The following HEPACAM2 variants were observed in gnomAD, a reference collection of about 807,000 sequenced individuals.
HEPACAM2 encodes mitotic kinetics regulator.
In HEPACAM2, 49 loss-of-function variants were observed where a neutral mutation model predicts 49.6. That is an observed-to-expected ratio of 0.99 (90% CI 0.78 to 1.25). The LOEUF (loss-of-function observed/expected upper bound fraction) is 1.25. Among genes scored for constraint, HEPACAM2 ranks in the 50% most tolerant of loss-of-function variants. HEPACAM2 has a pLI of 0.00. For synonymous variants in HEPACAM2, 197 were observed against 202.9 expected, an observed-to-expected ratio of 0.97 and a Z score of 0.25; for missense variants, 525 against 557.2, an observed-to-expected ratio of 0.94 and a Z score of 0.58.
At chr7:93,195,689 A>C in intron 8 of HEPACAM2, 139 bp downstream of exon 8, 1 of 664,718 alleles carries the variant, frequency 1.5e-6, no homozygotes, top group Non-Finnish European at 2.7e-6. Context: ...TTCATTACGG[A>C]GTAAGTCAAC....
At chr7:93,224,158 G>A (rs1403932422) in intron 1 of HEPACAM2, among the ~76,000 whole-genome samples, 1 of 152,222 alleles carries the variant, frequency 6.6e-6, no homozygotes, top group South Asian at 2.1e-4. Flanking sequence ...TGGTTGTGGT[G>A]GCTAATGCCT....
chr7:93,215,491 CT>C lies in HEPACAM2; in HGVS notation c.624del (p.Val209Ter). 1 of 1,613,862 alleles carries C rather than the reference CT, an allele frequency of 6.2e-7. No individual in the cohort carries two copies. Among genetic ancestry groups the C allele is most frequent in the Non-Finnish European group, 8.5e-7 (1 of 1,179,864 alleles). ...TAATTCCCAATGTCTTCCTTGGTTA[CT>C]GGAGCAATATGAAGGGTATTGTTTT... ...SPQNNTLHIA[P>X]VTKEDIGNYS... On this transcript the variant is annotated frameshift_variant, in exon 3 of 10. Coordinates refer to ENST00000394468, the MANE Select transcript of HEPACAM2 (RefSeq NM_001039372.4). LOFTEE classifies it high-confidence loss of function.
At position 93,215,476 on chromosome 7, in the gene HEPACAM2, TG is replaced by T. The variant is rs779909896; in HGVS notation, c.639del (p.Asp213GlufsTer9). The part of the protein sequence containing the change: ...TLHIAPVTKE[D>X]IGNYSCLVRN... ...CTCACCAGGCAGCTGTAATTCCCAATGTCTTCCTTGGTTACTGGAGCAATAT... is the reference window on the plus strand; with the variant it reads ...CTCACCAGGCAGCTGTAATTCCCAATTCTTCCTTGGTTACTGGAGCAATAT... On this transcript the variant is annotated frameshift_variant, in exon 3 of 10. Transcript: ENST00000394468. LOFTEE classifies it high-confidence loss of function. 1.5e-5 allele frequency: 24 copies of T among 1,613,900 alleles called. No homozygotes were observed. In the South Asian group the frequency reaches 2.6e-4, roughly 18 times the overall value.
chr7:93,231,407 T>A (rs1794625751), upstream of HEPACAM2, among the ~76,000 whole-genome samples: 1 of 152,226 alleles, frequency 6.6e-6, no homozygotes, highest in Non-Finnish European at 1.5e-5. Context: ...ACATCTGCAG[T>A]AATCTTAGGC....
Position 93,219,438 on chromosome 7 carries a change from C to T in HEPACAM2, c.93G>A (p.Gly31=), listed in dbSNP as rs563747542. ...TGTGTGATGGCACTGTCACCTTCAG[C>T]CCCGAGCAAGCACCTGTTGCAAAGG... ...IYLLLFGACS[G]LKVTVPSHTV... Residue 31 remains glycine, a synonymous_variant, in exon 2 of 10, where the codon GGG becomes GGA. Coordinates refer to ENST00000394468, the MANE Select transcript of HEPACAM2 (RefSeq NM_001039372.4). 4 of 1,613,774 alleles carry T rather than the reference C, an allele frequency of 2.5e-6. No homozygotes were observed. The African/African-American group carries it at 4.0e-5, about 16-fold the overall frequency.
intron 2 of HEPACAM2, 119 bp from the exon 3 acceptor site, chr7:93,215,804 T>C (rs1794295532): frequency 2.1e-6 from 2 of 956,546 alleles, no homozygotes; most frequent in Non-Finnish European, 3.1e-6. Flanking sequence ...ACACTGTAAA[T>C]GTAGACAGCT....
upstream of HEPACAM2, chr7:93,226,471 G>C (rs1248887825): frequency 6.3e-7 from 1 of 1,582,882 alleles, no homozygotes; most frequent in Non-Finnish European, 8.7e-7. Context: ...GTTCTCAGTG[G>C]TAACTTGGAC....
At chr7:93,202,575 C>G (rs1282487517) in intron 4 of HEPACAM2, among the ~76,000 whole-genome samples, 1 of 152,148 alleles carries the variant, frequency 6.6e-6, no homozygotes, top group Non-Finnish European at 1.5e-5. Context: ...AATAGCCAGA[C>G]TGCCATCACC....
chr7:93,217,181 C>A (rs969734829), intron 2 of HEPACAM2, among the ~76,000 whole-genome samples: 1 of 152,062 alleles, frequency 6.6e-6, no homozygotes, highest in African/African-American at 2.4e-5. Flanking sequence ...ATTTAATATG[C>A]AGAAAAAGCT....
At chr7:93,219,599 T>C (rs1794405934) in intron 1 of HEPACAM2, 148 bp from the exon 2 acceptor site, 2 of 1,400,162 alleles carry the variant, frequency 1.4e-6, no homozygotes, top group African/African-American at 1.4e-5. Flanking sequence ...TGGTTACATA[T>C]AGAGGTAAAT....
chr7:93,213,540 C>T (rs1794230443), intron 3 of HEPACAM2, among the ~76,000 whole-genome samples: 1 of 152,044 alleles, frequency 6.6e-6, no homozygotes, highest in South Asian at 2.1e-4. Context: ...AGCCTTTTTA[C>T]AGCATCGTCA....
At chr7:93,214,498 T>A (rs1005333496) in intron 3 of HEPACAM2, among the ~76,000 whole-genome samples, 1 of 152,152 alleles carries the variant, frequency 6.6e-6, no homozygotes, top group Non-Finnish European at 1.5e-5. Context: ...GAGATTTTCA[T>A]AGGTAATGTT....
intron 1 of HEPACAM2, 124 bp from the exon 2 acceptor site, chr7:93,219,575 G>A (rs1430847386): frequency 6.6e-7 from 1 of 1,512,620 alleles, no homozygotes; most frequent in Non-Finnish European, 8.8e-7. Context: ...TCTAGGTACT[G>A]ACTATTCTAG....
rs568273684 is a variant in HEPACAM2 at position 93,226,386 on chromosome 7, T to C, written c.61A>G (p.Ile21Val). The change falls in exon 1 of 10, where the codon ATA becomes GTA. Residue 21 changes from isoleucine (I) to valine (V), a missense_variant. Physicochemically the swap from Ile to Val is conservative, Grantham distance 29. Coordinates refer to ENST00000394468, the MANE Select transcript of HEPACAM2 (RefSeq NM_001039372.4). ...GCCTTACCGAAGAGAAGGAGGTATATTTTGCACTGAAAGACCCCAAGTGTG... is the reference window on the plus strand; with the variant it reads ...GCCTTACCGAAGAGAAGGAGGTATACTTTGCACTGAAAGACCCCAAGTGTG... The part of the protein sequence containing the change: ...GDTLGVFQCK[I>V]YLLLFGACSG... 6.8e-6 allele frequency: 11 copies of C among 1,612,518 alleles called. No homozygotes were observed. The Admixed American group carries it at 1.0e-4, about 15-fold the overall frequency.
intron 3 of HEPACAM2, among the ~76,000 whole-genome samples, chr7:93,212,511 G>GT (rs147294389): frequency 0.052 from 7,589 of 147,214 alleles, 226 homozygotes; most frequent in Non-Finnish European, 0.062. Context: ...GAAATGCACG[G>GT]TTTTTTTTTT....
intron 1 of HEPACAM2, among the ~76,000 whole-genome samples, chr7:93,221,419 A>G (rs1794448179): frequency 6.6e-6 from 1 of 152,206 alleles, no homozygotes; most frequent in Non-Finnish European, 1.5e-5. Context: ...AAAAAGGGAA[A>G]GGTAGAAAGA....
intron 4 of HEPACAM2, among the ~76,000 whole-genome samples, chr7:93,206,643 T>G (rs1794036938): frequency 6.6e-6 from 1 of 151,994 alleles, no homozygotes; most frequent in African/African-American, 2.4e-5. Context: ...GAAATAAAAT[T>G]AAAAATTCAG....
rs569009449 is a variant in HEPACAM2 at position 93,189,010 on chromosome 7, C to T, written c.*257G>A. On this transcript the variant is annotated 3_prime_UTR_variant, in exon 10 of 10. Transcript: ENST00000394468. ...AAACCCCTGTCACTTTCGTTCTCCCCGTCAGCATGAGAACGACTCTCCACT... is the reference window on the plus strand; with the variant it reads ...AAACCCCTGTCACTTTCGTTCTCCCTGTCAGCATGAGAACGACTCTCCACT... 56 of 463,214 alleles carry T rather than the reference C, an allele frequency of 1.2e-4. No individual in the cohort carries two copies. Among genetic ancestry groups the T allele is most frequent in the African/African-American group, 8.0e-4 (40 of 49,846 alleles). The allele number at this position is 463,214 out of a possible 1,614,324, so 28.7% of individuals were successfully genotyped here.
chr7:93,205,102 A>C (rs1238173537), intron 4 of HEPACAM2, among the ~76,000 whole-genome samples: 1 of 146,496 alleles, frequency 6.8e-6, no homozygotes, highest in Non-Finnish European at 1.5e-5. Flanking sequence ...CTTCATCTCA[A>C]AAAAAAAAAA....
Sources: allele counts gnomAD v4.1 joint callset (sites outside exome capture counted in the v4.1 genomes callset), GRCh38; gene constraint gnomAD v4.1.1; transcripts MANE v1.5; gene names NCBI Gene and HGNC (gene_info 2026-07-23, HGNC 2026-07-21).